The following CDKAL1 variants were observed in gnomAD, a reference collection of about 807,000 sequenced individuals.
The protein encoded by CDKAL1 is threonylcarbamoyladenosine tRNA methylthiotransferase.
CDKAL1 carries 32 observed loss-of-function variants against 68.2 expected under a neutral mutation model. The ratio of observed to expected loss-of-function variants is 0.47; its 90% CI spans 0.35 to 0.63. CDKAL1 has a LOEUF of 0.63. CDKAL1 is among the 30% of genes least tolerant of loss of function. CDKAL1 has a pLI of 0.00. For missense variants in CDKAL1, 606 were observed against 696.7 expected, an observed-to-expected ratio of 0.87 and a Z score of 1.47; for synonymous variants, 234 against 244.3, an observed-to-expected ratio of 0.96 and a Z score of 0.39.
At chr6:21,045,666 G>A (rs996027098) in intron 11 of CDKAL1, among the ~76,000 whole-genome samples, 2 of 152,304 alleles carry the variant, frequency 1.3e-5, no homozygotes, top group East Asian at 1.9e-4. Flanking sequence ...AGCACTAGGA[G>A]TCAGAGATCC....
intron 4 of CDKAL1, among the ~76,000 whole-genome samples, chr6:20,610,968 C>T (rs377333563): frequency 2.6e-5 from 4 of 152,262 alleles, no homozygotes; most frequent in African/African-American, 9.6e-5. Flanking sequence ...CACCACCACG[C>T]CTGACTAGAA....
At chr6:20,763,266 C>G (rs1774547462) in intron 7 of CDKAL1, among the ~76,000 whole-genome samples, 1 of 152,146 alleles carries the variant, frequency 6.6e-6, no homozygotes, top group African/African-American at 2.4e-5. Context: ...GGTCACAGCT[C>G]TTGTCTGGTG....
intron 13 of CDKAL1, among the ~76,000 whole-genome samples, chr6:21,116,940 G>T (rs1484897945): frequency 6.6e-6 from 1 of 152,170 alleles, no homozygotes; most frequent in African/African-American, 2.4e-5. Context: ...ATGTCACTGT[G>T]CCAAGAGCCA....
At chr6:20,605,063 A>G (rs980103478) in intron 4 of CDKAL1, among the ~76,000 whole-genome samples, 2 of 152,168 alleles carry the variant, frequency 1.3e-5, no homozygotes, top group African/African-American at 4.8e-5. Context: ...CAGAAAGAGG[A>G]GCTAATTTAG....
At chr6:20,549,615 T>G (rs141137947) in intron 4 of CDKAL1, among the ~76,000 whole-genome samples, 2 of 110,046 alleles carry the variant, frequency 1.8e-5, no homozygotes, top group African/African-American at 6.6e-5. Flanking sequence ...TATTTATTTA[T>G]TTATTTACTT....
At chr6:20,773,141 C>T (rs2150364820) in intron 7 of CDKAL1, 1 of 152,272 alleles carries the variant, frequency 6.6e-6, no homozygotes, top group South Asian at 2.1e-4. Context: ...GTTAATTCTA[C>T]CATTTTGTGT....
In CDKAL1 at chr6:20,710,082, T is replaced by C. The variant is rs373110126; in HGVS notation, c.372-29437T>C. ...CTAAAGACTGTTGATTTCCTGAGCT[T>C]CAAGTTAAAACTTCCCTGAGTAATT... On this transcript the variant is annotated intron_variant, in intron 5 of 15. Coordinates refer to ENST00000274695, the MANE Select transcript of CDKAL1 (RefSeq NM_017774.3). Among the ~76,000 whole-genome samples, 20 of 152,292 alleles carry C rather than the reference T, an allele frequency of 1.3e-4. No individual in the cohort carries two copies. The South Asian group carries it at 3.9e-3, about 30-fold the overall frequency.
At chr6:20,760,284 ATCT>A (rs1364088199) in intron 7 of CDKAL1, among the ~76,000 whole-genome samples, 1 of 152,172 alleles carries the variant, frequency 6.6e-6, no homozygotes, top group Non-Finnish European at 1.5e-5. Context: ...TTGGCCCTTA[ATCT>A]TCTTTTGATG....
intron 15 of CDKAL1, among the ~76,000 whole-genome samples, chr6:21,211,372 T>G (rs1054774282): frequency 6.6e-6 from 1 of 152,278 alleles, no homozygotes. Flanking sequence ...CCAAGACAGG[T>G]TAGGCTGCGC....
rs908732114 is a variant in CDKAL1, at chr6:21,135,785, G to A, written c.1299+27322G>A. On this transcript the variant is annotated intron_variant, in intron 13 of 15. Coordinates refer to ENST00000274695, the MANE Select transcript of CDKAL1 (RefSeq NM_017774.3). ...AGTGCCAGAAAGACAGCTTTCAAGA[G>A]GCCAGTGCTCCGCTTCTCCATTGGA... 9 of 731,016 alleles carry A rather than the reference G, an allele frequency of 1.2e-5. No individual in the cohort carries two copies. In the African/African-American group the frequency reaches 1.7e-4, roughly 14 times the overall value. The allele number at this position is 731,016 out of a possible 1,614,324, so 45.3% of individuals were successfully genotyped here. A position where few individuals can be genotyped will look rare whatever the true frequency, so the allele number is the denominator to read the frequency against.
intron 9 of CDKAL1, among the ~76,000 whole-genome samples, chr6:20,855,442 CAAAAAAAAAAAAAAAAAA>C (rs145448785): frequency 9.3e-5 from 6 of 64,640 alleles, no homozygotes; most frequent in Admixed American, 4.9e-4. Context: ...GACTCCGTCT[CAAAAAAAAAAAAAAAAAA>C]AAAAAAAAAA....
intron 8 of CDKAL1, among the ~76,000 whole-genome samples, chr6:20,840,322 G>A (rs1320732909): frequency 6.6e-6 from 1 of 152,100 alleles, no homozygotes; most frequent in Non-Finnish European, 1.5e-5. Flanking sequence ...TTTTTACAGG[G>A]ATTGAGAGGT....
intron 9 of CDKAL1, among the ~76,000 whole-genome samples, chr6:20,859,411 A>G (rs749817277): frequency 2.0e-4 from 30 of 152,174 alleles, no homozygotes; most frequent in Middle Eastern, 3.2e-3. Flanking sequence ...CTACAAATCT[A>G]TGAATACGTA....
At chr6:20,638,752 C>T (rs1416488266) in intron 4 of CDKAL1, among the ~76,000 whole-genome samples, 1 of 100,338 alleles carries the variant, frequency 1.0e-5, no homozygotes, top group Admixed American at 9.5e-5. Flanking sequence ...CAAACGCGCG[C>T]CACCATAAGT....
chr6:21,007,463 A>G (rs2150832726), intron 11 of CDKAL1, among the ~76,000 whole-genome samples: 1 of 131,158 alleles, frequency 7.6e-6, no homozygotes, highest in African/African-American at 2.9e-5. Flanking sequence ...AGCCTGGGCA[A>G]CAGAGCAAGA....
intron 6 of CDKAL1, chr6:20,756,885 T>G: frequency 1.1e-5 from 1 of 89,274 alleles, no homozygotes; most frequent in Admixed American, 1.1e-4. Flanking sequence ...CCTTCCTTCC[T>G]TCCTTCCTTC....
chr6:20,767,577 T>C (rs1774756002), intron 7 of CDKAL1, among the ~76,000 whole-genome samples: 1 of 152,090 alleles, frequency 6.6e-6, no homozygotes, highest in Non-Finnish European at 1.5e-5. Flanking sequence ...AGAAAAGAAA[T>C]TTAAATCTGA....
At chr6:20,619,426 C>G (rs1015036873) in intron 4 of CDKAL1, among the ~76,000 whole-genome samples, 1 of 152,104 alleles carries the variant, frequency 6.6e-6, no homozygotes, top group Non-Finnish European at 1.5e-5. Context: ...CATCAATTAA[C>G]TAGATTTAGT....
chr6:21,128,899 G>A (rs1267277250), intron 13 of CDKAL1, among the ~76,000 whole-genome samples: 1 of 152,210 alleles, frequency 6.6e-6, no homozygotes, highest in Non-Finnish European at 1.5e-5. Flanking sequence ...AAACTTACAA[G>A]ACCCAGTAAG....
Sources: gnomAD v4.1 joint callset for allele counts (sites outside exome capture counted in the v4.1 genomes callset) on GRCh38, gnomAD v4.1.1 for gene constraint, MANE v1.5 for transcripts, NCBI Gene and HGNC (gene_info 2026-07-23, HGNC 2026-07-21) for gene names.